Variants in C1orf141 observed in about 807,000 individuals in gnomAD.
C1orf141 encodes uncharacterized protein C1orf141.
A neutral mutation model predicts 23.2 loss-of-function variants in C1orf141; 19 were observed. The ratio of observed to expected loss-of-function variants is 0.82; its 90% CI spans 0.57 to 1.20. The LOEUF is 1.20. C1orf141 is among the 50% of genes most tolerant of loss of function. The pLI is 0.00. For missense variants in C1orf141, 469 were observed against 455.1 expected (o/e 1.03, Z -0.28); for synonymous variants, 153 against 154.6 (o/e 0.99, Z 0.08).
intron 5 of C1orf141, among the ~76,000 whole-genome samples, chr1:67,112,019 G>A (rs1402326054): frequency 6.6e-6 from 1 of 152,168 alleles, no homozygotes; most frequent in Non-Finnish European, 1.5e-5. Context: ...TCAGTTATGA[G>A]TTTTAGTAAT....
chr1:67,134,229 C>G (rs554591720), intron 1 of C1orf141, among the ~76,000 whole-genome samples: 2 of 152,220 alleles, frequency 1.3e-5, no homozygotes, highest in Admixed American at 1.3e-4. Context: ...GTCTCTAACT[C>G]CTGACCTCAA....
rs1645601322 is a variant in C1orf141 at position 67,093,558 on chromosome 1, A to G, written c.650T>C (p.Val217Ala). The G allele has an allele frequency of 1.9e-6, 3 of 1,598,348 alleles. No individual in the cohort carries two copies. Among genetic ancestry groups the G allele is most frequent in the Non-Finnish European group, 2.6e-6 (3 of 1,170,956 alleles). The change falls in exon 8 of 8, where the codon GTA becomes GCA. Residue 217 changes from valine (V) to alanine (A), a missense_variant. Physicochemically the swap from Val to Ala is moderately conservative, Grantham distance 64 (BLOSUM62 0). This residue lies in a region of C1orf141 where 370 missense variants were observed against 348.1 expected (regional missense o/e 1.06). Transcript: ENST00000684719. ...ATTTTTTGTCAAAAGTAACATTCGT[A>G]CATATTCTGTGTCATGGAAAATTAT... is the stretch of plus-strand genomic sequence containing the variant. ...NPIIFHDTEY[V>A]RMLLLTKNRF...
intron 4 of C1orf141, among the ~76,000 whole-genome samples, chr1:67,118,242 T>C (rs574828022): frequency 2.8e-4 from 43 of 152,268 alleles, no homozygotes; most frequent in African/African-American, 9.9e-4. Flanking sequence ...GATCCACCAA[T>C]ACTTGGAGCA....
chr1:67,139,594 A>T (rs1197316409), upstream of C1orf141, among the ~76,000 whole-genome samples: 1 of 152,254 alleles, frequency 6.6e-6, no homozygotes, highest in Non-Finnish European at 1.5e-5. Flanking sequence ...TAAAGATCAC[A>T]ACAGTAAACA....
chr1:67,095,301 A>G lies in C1orf141; in HGVS notation c.537T>C (p.Asp179=), dbSNP rs1432690623. The change falls in exon 7 of 8, where the codon GAT becomes GAC. Residue 179 remains aspartate (D), a synonymous_variant. Coordinates refer to ENST00000684719, the MANE Select transcript of C1orf141 (RefSeq NM_001276351.2). ...TCTTGGCATGTGGATTTTTCAATTC[A>G]TCCTCAAAGCACAACGGGAGCAAGC... The part of the protein sequence containing the change: ...KKSLLPLCFE[D]ELKNPHAKIV... The G allele has an allele frequency of 5.6e-6, 9 of 1,608,356 alleles. No homozygotes were observed. The highest frequency in any genetic ancestry group is 2.2e-5 in the East Asian group (1 of 44,862).
chr1:67,104,713 T>C (rs1645881207), intron 5 of C1orf141, among the ~76,000 whole-genome samples: 1 of 152,194 alleles, frequency 6.6e-6, no homozygotes, highest in South Asian at 2.1e-4. Flanking sequence ...TTTTATAAGC[T>C]GGCATAGTCT....
At chr1:67,105,229 G>A (rs1383510200) in intron 5 of C1orf141, among the ~76,000 whole-genome samples, 8 of 150,996 alleles carry the variant, frequency 5.3e-5, no homozygotes, top group Non-Finnish European at 8.8e-5. Context: ...GGGAAGCTGC[G>A]GCAGGAGAAT....
At chr1:67,101,449 A>AGAGTGTGTGT (rs147291198) in intron 5 of C1orf141, among the ~76,000 whole-genome samples, 1 of 135,288 alleles carries the variant, frequency 7.4e-6, no homozygotes, top group African/African-American at 2.8e-5. Flanking sequence ...TGAATGTAAG[A>AGAGTGTGTGT]GTGTGTGTGT....
chr1:67,097,125 G>A (rs1299982858), intron 5 of C1orf141, among the ~76,000 whole-genome samples: 1 of 152,118 alleles, frequency 6.6e-6, no homozygotes, highest in Non-Finnish European at 1.5e-5. Flanking sequence ...TCAGGAGGCT[G>A]AAGTGGGAGG....
rs371107571 is a variant in C1orf141 at position 67,096,210 on chromosome 1, C to A, written c.416+42G>T. 1,203 of 949,442 alleles carry A rather than the reference C, an allele frequency of 1.3e-3. 2 individuals carry two copies. The highest frequency in any genetic ancestry group is 1.8e-3 in the Non-Finnish European group (1,104 of 612,914). 58.8% of individuals were successfully genotyped at this position (949,442 alleles called of 1,614,324 possible). On this transcript the variant is annotated intron_variant, in intron 6 of 7. Coordinates refer to ENST00000684719, the MANE Select transcript of C1orf141 (RefSeq NM_001276351.2). ...ATAAAATGTGTCCTACTAGAAACAT[C>A]ATTAAACAGAACAAAGTATTAAGCA...
At chr1:67,106,520 G>A (rs1167701138) in intron 5 of C1orf141, among the ~76,000 whole-genome samples, 1 of 151,936 alleles carries the variant, frequency 6.6e-6, no homozygotes. Flanking sequence ...TTAGCTGAGA[G>A]TGGTGGCACA....
chr1:67,133,832 T>G (rs559174973), intron 1 of C1orf141, among the ~76,000 whole-genome samples: 14 of 152,262 alleles, frequency 9.2e-5, no homozygotes, highest in African/African-American at 3.4e-4. Flanking sequence ...CATTTCCAAC[T>G]TTTAGTGTCT....
chr1:67,103,776 G>A (rs563569562), intron 5 of C1orf141, among the ~76,000 whole-genome samples: 37 of 152,206 alleles, frequency 2.4e-4, no homozygotes, highest in Admixed American at 3.9e-4. Context: ...CTAACATAGA[G>A]TAGGTACAGC....
At chr1:67,134,481 T>C (rs1445621159) in intron 1 of C1orf141, among the ~76,000 whole-genome samples, 1 of 152,212 alleles carries the variant, frequency 6.6e-6, no homozygotes, top group Non-Finnish European at 1.5e-5. Context: ...TTCCAGGATG[T>C]TGGGAGTCGT....
upstream of C1orf141, among the ~76,000 whole-genome samples, chr1:67,138,408 A>G (rs1646604008): frequency 6.6e-6 from 1 of 152,216 alleles, no homozygotes; most frequent in Non-Finnish European, 1.5e-5. Context: ...TGAATTGGAC[A>G]CGTTTTACTT....
At chr1:67,126,987 C>T (rs932827353) in intron 3 of C1orf141, among the ~76,000 whole-genome samples, 179 bp downstream of exon 3, 1 of 152,160 alleles carries the variant, frequency 6.6e-6, no homozygotes, top group Non-Finnish European at 1.5e-5. Context: ...AAACTTTGTA[C>T]ATCAGCAATA....
intron 1 of C1orf141, among the ~76,000 whole-genome samples, 198 bp downstream of exon 1, chr1:67,134,732 G>A (rs1401912702): frequency 1.3e-5 from 2 of 152,266 alleles, no homozygotes; most frequent in East Asian, 3.9e-4. Context: ...AGCCCCCCGG[G>A]CTCGCCTCTC....
At position 67,125,734 on chromosome 1, in the gene C1orf141, G is replaced by A. The variant is rs1458825609; in HGVS notation, c.233+18C>T. The stretch of plus-strand genomic sequence containing the variant: ...AACAAATTCTGAACTGAAAATTTAA[G>A]GTGGTTATGATAGTTACATTTTTGA... On this transcript the variant is annotated intron_variant, in intron 4 of 7. Coordinates refer to ENST00000684719, the MANE Select transcript of C1orf141 (RefSeq NM_001276351.2). 3 of 1,608,456 alleles carry A rather than the reference G, an allele frequency of 1.9e-6. No individual in the cohort carries two copies. The highest frequency in any genetic ancestry group is 2.6e-6 in the Non-Finnish European group (3 of 1,175,014).
intron 3 of C1orf141, 98 bp from the exon 4 acceptor site, chr1:67,126,007 C>T: frequency 1.6e-6 from 2 of 1,236,890 alleles, no homozygotes; most frequent in Non-Finnish European, 2.2e-6. Flanking sequence ...ACTTTACACA[C>T]ACACACACAC....
Sources: allele counts gnomAD v4.1 joint callset (sites outside exome capture counted in the v4.1 genomes callset), GRCh38; gene constraint gnomAD v4.1.1; regional missense constraint gnomAD v4.1.1; transcripts MANE v1.5; gene names NCBI Gene and HGNC (gene_info 2026-07-23, HGNC 2026-07-21).